The following RTN2 variants were observed in gnomAD, a reference collection of about 807,000 sequenced individuals.
RTN2 encodes the protein reticulon 2, also known as reticulon-2.
A neutral mutation model predicts 63.7 loss-of-function variants in RTN2; 36 were observed. The observed-to-expected ratio is 0.56, with a 90% CI of 0.43 to 0.75. The LOEUF (loss-of-function observed/expected upper bound fraction) is 0.75, where lower values mean the gene tolerates loss of function less well. Among genes scored for constraint, RTN2 ranks in the 30% least tolerant of loss-of-function variants. The pLI is 0.00. For missense variants in RTN2, 673 were observed against 705.1 expected, an observed-to-expected ratio of 0.95 and a Z score of 0.52; for synonymous variants, 312 against 313.0, an observed-to-expected ratio of 1.00 and a Z score of 0.03.
At position 45,485,610 on chromosome 19, in the gene RTN2, G is replaced by T; in HGVS notation, c.*98C>A. On this transcript the variant is annotated 3_prime_UTR_variant, in exon 11 of 11. Transcript: ENST00000245923. ...CTGACACCCACCGGGAAAAGGCTCGGGCCGAGGAGGGGGGTGGGTGGGAAC... is the reference window on the plus strand; with the variant it reads ...CTGACACCCACCGGGAAAAGGCTCGTGCCGAGGAGGGGGGTGGGTGGGAAC... 1.0e-6 allele frequency: 1 copy of T among 982,946 alleles called. No homozygotes were observed. The allele number at this position is 982,946 out of a possible 1,614,324, so 60.9% of individuals were successfully genotyped here.
Position 45,496,908 on chromosome 19 carries a change from C to T in RTN2, c.-83G>A. ...CCGGGGTCGCGGGCGCTCATCTCCG[C>T]CGCGCCCACGACGCCGCTGCCATTC... On this transcript the variant is annotated 5_prime_UTR_variant, in exon 1 of 11. Transcript: ENST00000245923. 4 of 813,102 alleles carry T rather than the reference C, an allele frequency of 4.9e-6. No homozygotes were observed. In the South Asian group the frequency reaches 1.1e-4, roughly 21 times the overall value. The allele number at this position is 813,102 out of a possible 1,614,324, so 50.4% of individuals were successfully genotyped here. A position where few individuals can be genotyped will look rare whatever the true frequency, so the allele number is the denominator to read the frequency against.
rs1489266114 is a variant in RTN2, at chr19:45,493,268, C to T, written c.925G>A (p.Gly309Ser). Residue 309 changes from glycine (G) to serine (S), a missense_variant, in exon 5 of 11, where the codon GGC (glycine) becomes AGC (serine). Transcript: ENST00000245923. ...LWTAIGWVQR[G>S]PTPPTPVLRV... ...AGGACAGGAGTAGGGGGGGTGGGGC[C>T]CCTTTGGACCCAGCCAATGGCTGTC... The T allele has an allele frequency of 1.6e-5, 26 of 1,612,602 alleles. No homozygotes were observed. Among genetic ancestry groups the T allele is most frequent in the Non-Finnish European group, 2.1e-5 (25 of 1,179,672 alleles).
At position 45,485,564 on chromosome 19, in the gene RTN2, G is replaced by A. The variant is rs1968000343; in HGVS notation, c.*144C>T. 1 of 659,204 alleles carries A rather than the reference G, an allele frequency of 1.5e-6. No homozygotes were observed. Among genetic ancestry groups the A allele is most frequent in the Non-Finnish European group, 2.7e-6 (1 of 369,354 alleles). 40.8% of individuals were successfully genotyped at this position (659,204 alleles called of 1,614,324 possible). A position where few individuals can be genotyped will look rare whatever the true frequency, so the allele number is the denominator to read the frequency against. On this transcript the variant is annotated 3_prime_UTR_variant, in exon 11 of 11. Coordinates refer to ENST00000245923, the MANE Select transcript of RTN2 (RefSeq NM_005619.5). Reference sequence around the variant, plus strand: ...CCTGGTCGCTCAGGTAATTAGCGCAGAGTCCCTAGTGGGAGTGATCCTGAC... The same window carrying A: ...CCTGGTCGCTCAGGTAATTAGCGCAAAGTCCCTAGTGGGAGTGATCCTGAC...
intron 9 of RTN2, among the ~76,000 whole-genome samples, chr19:45,487,032 CTTTTTTTTTT>C (rs34799041): frequency 3.1e-4 from 12 of 39,178 alleles, no homozygotes; most frequent in East Asian, 2.8e-3. Context: ...CATGCCCAGC[CTTTTTTTTTT>C]TTTTTTTTTT....
In RTN2 at chr19:45,485,775, A is replaced by G. The variant is rs1189218371; in HGVS notation, c.1571T>C (p.Ile524Thr). The G allele has an allele frequency of 6.2e-7, 1 of 1,613,300 alleles. No individual in the cohort carries two copies. Among genetic ancestry groups the G allele is most frequent in the Non-Finnish European group, 8.5e-7 (1 of 1,179,754 alleles). ...SHIKAKIRAKIPGTGALASAA... is the reference protein window; with the variant it reads ...SHIKAKIRAKTPGTGALASAA... ...AGAGGCCAGGGCTCCGGTCCCTGGG[A>G]TTTTAGCTCGGATCCTGAAGGAGAA... The change falls in exon 11 of 11, where the codon ATC becomes ACC. Residue 524 changes from isoleucine to threonine, a missense_variant. By Grantham distance (89) the Ile-to-Thr change is moderately conservative. Coordinates refer to ENST00000245923, the MANE Select transcript of RTN2 (RefSeq NM_005619.5).
chr19:45,493,997 T>G, intron 4 of RTN2, 169 bp downstream of exon 4: 1 of 1,173,272 alleles, frequency 8.5e-7, no homozygotes. Context: ...GCCGGGGAAA[T>G]TTTTTTAAAA....
rs752648786 is a variant in RTN2, at chr19:45,486,031, T to A, written c.1556+24A>T. 7 of 1,611,830 alleles carry A rather than the reference T, an allele frequency of 4.3e-6. No homozygotes were observed. In the South Asian group the frequency reaches 7.7e-5, roughly 18 times the overall value. On this transcript the variant is annotated intron_variant, in intron 10 of 10. Coordinates refer to ENST00000245923, the MANE Select transcript of RTN2 (RefSeq NM_005619.5). ...CAAGCTCCCCCACTTCCCCCTCCCA[T>A]CGACCTCCGCCCCATGCTCTTACTT...
At position 45,494,731 on chromosome 19, in the gene RTN2, G is replaced by A. The variant is rs756925105; in HGVS notation, c.354C>T (p.Ser118=). ...GATCACCCCGTCGTCCAGGCTCCGGGGATTGGCTCAGGCTGGGGATGCTCT... is the reference window on the plus strand; with the variant it reads ...GATCACCCCGTCGTCCAGGCTCCGGAGATTGGCTCAGGCTGGGGATGCTCT... ...SLESIPSLSQ[S]PEPGRRGDPD... is the part of the protein sequence containing the mutation. The change falls in exon 3 of 11, where the codon TCC becomes TCT. Residue 118 remains serine (S), a synonymous_variant. Coordinates refer to ENST00000245923, the MANE Select transcript of RTN2 (RefSeq NM_005619.5). This position sits in a 1 kb window ranked among gnomAD's most constrained non-coding sequence, Gnocchi z 5.3. The A allele has an allele frequency of 1.2e-5, 19 of 1,612,066 alleles. No homozygotes were observed. The African/African-American group carries it at 1.5e-4, about 12-fold the overall frequency.
chr19:45,491,522 G>A (rs1968160118), intron 5 of RTN2, among the ~76,000 whole-genome samples: 1 of 146,334 alleles, frequency 6.8e-6, no homozygotes, highest in Non-Finnish European at 1.5e-5. Flanking sequence ...TGCCATGCCT[G>A]GCCTGGCTAA....
chr19:45,486,458 A>AG (rs1404289278), intron 9 of RTN2, among the ~76,000 whole-genome samples: 1 of 152,152 alleles, frequency 6.6e-6, no homozygotes, highest in East Asian at 1.9e-4. Context: ...TTGGTCACCG[A>AG]GTCCCTGAGT....
At chr19:45,491,925 G>A (rs775603380) in intron 5 of RTN2, among the ~76,000 whole-genome samples, 2 of 152,042 alleles carry the variant, frequency 1.3e-5, no homozygotes, top group East Asian at 1.9e-4. Context: ...CACCGCGCTC[G>A]GTCATATATA....
Position 45,494,223 on chromosome 19 carries a change from C to T in RTN2, c.757G>A (p.Gly253Arg), listed in dbSNP as rs760277484. Residue 253 changes from glycine to arginine, a missense_variant, in exon 4 of 11, where the codon GGA becomes AGA. Coordinates refer to ENST00000245923, the MANE Select transcript of RTN2 (RefSeq NM_005619.5). This position sits in a 1 kb window ranked among gnomAD's most constrained non-coding sequence, Gnocchi z 5.3. ...TGGTCCGTGCTATCGAGGCACTGTC[C>T]CCTTACTGGCTCTCGCTCCAGTGGC... is the stretch of plus-strand genomic sequence containing the variant. ...WGPLEREPVRGQCLDSTDQLE... is the reference protein window; with the variant it reads ...WGPLEREPVRRQCLDSTDQLE... The T allele has an allele frequency of 1.2e-6, 2 of 1,611,148 alleles. No homozygotes were observed. Among genetic ancestry groups the T allele is most frequent in the Non-Finnish European group, 1.7e-6 (2 of 1,180,000 alleles).
intron 6 of RTN2, 74 bp from the exon 7 acceptor site, chr19:45,489,060 G>A: frequency 6.5e-7 from 1 of 1,528,546 alleles, no homozygotes; most frequent in Non-Finnish European, 8.9e-7. Context: ...GCTGAAACAA[G>A]GGAGAGGAAT....
rs1967999045 is a variant in RTN2, at chr19:45,485,522, C to G, written c.*186G>C. ...CTTTCCTGGACTCCTGGAGCAGAGCCTCTTGGGAAATGTAGTCCTGGTCGC... is the reference window on the plus strand; with the variant it reads ...CTTTCCTGGACTCCTGGAGCAGAGCGTCTTGGGAAATGTAGTCCTGGTCGC... On this transcript the variant is annotated 3_prime_UTR_variant, in exon 11 of 11. Transcript: ENST00000245923. 1.7e-6 allele frequency: 1 copy of G among 595,668 alleles called. No homozygotes were observed. Among genetic ancestry groups the G allele is most frequent in the Non-Finnish European group, 3.0e-6 (1 of 333,516 alleles). The allele number at this position is 595,668 out of a possible 1,614,324, so 36.9% of individuals were successfully genotyped here.
Position 45,489,495 on chromosome 19 carries a change from C to T in RTN2, c.1092G>A (p.Leu364=). 1.9e-6 allele frequency: 3 copies of T among 1,612,556 alleles called. No individual in the cohort carries two copies. The highest frequency in any genetic ancestry group is 2.5e-6 in the Non-Finnish European group (3 of 1,179,364). ...GCAGGAGGCAGAGGAGGGAGACCAT[C>T]AGGCCTGTGAAGACCACTCCTGACG... is the stretch of plus-strand genomic sequence containing the variant. ...TRTSGVVFTG[L]MVSLLCLLHF... Residue 364 remains leucine, a synonymous_variant, in exon 6 of 11, where the codon CTG becomes CTA. Coordinates refer to ENST00000245923, the MANE Select transcript of RTN2 (RefSeq NM_005619.5).
rs774216244 is a variant in RTN2, at chr19:45,494,186, G to A, written c.794C>T (p.Thr265Met). Residue 265 changes from threonine to methionine, a missense_variant, in exon 4 of 11, where the codon ACG becomes ATG. By Grantham distance (81) the Thr-to-Met change is moderately conservative. Coordinates refer to ENST00000245923, the MANE Select transcript of RTN2 (RefSeq NM_005619.5). This position sits in a 1 kb window ranked among gnomAD's most constrained non-coding sequence, Gnocchi z 5.3. ...CLDSTDQLEF[T>M]VEPRLLGTAM... is the part of the protein sequence containing the mutation. Reference sequence around the variant, plus strand: ...CTTACCTAGAAGGCGTGGCTCCACCGTGAATTCTAATTGGTCCGTGCTATC... The same window carrying A: ...CTTACCTAGAAGGCGTGGCTCCACCATGAATTCTAATTGGTCCGTGCTATC... 12 of 1,604,070 alleles carry A rather than the reference G, an allele frequency of 7.5e-6. No individual in the cohort carries two copies. The highest frequency in any genetic ancestry group is 9.3e-6 in the Non-Finnish European group (11 of 1,179,928).
chr19:45,492,791 C>G lies in RTN2; in HGVS notation c.1033+369G>C, dbSNP rs1034862815. Among the ~76,000 whole-genome samples, 3 of 152,174 alleles carry G rather than the reference C, an allele frequency of 2.0e-5. No individual in the cohort carries two copies. The East Asian group carries it at 5.8e-4, about 29-fold the overall frequency. On this transcript the variant is annotated intron_variant, in intron 5 of 10. Coordinates refer to ENST00000245923, the MANE Select transcript of RTN2 (RefSeq NM_005619.5). ...CCCTCCCAGGCAGGCTCCTAGTGGCCGGCGCCGGTGGATGGGGGAGGGGCC... is the reference window on the plus strand; with the variant it reads ...CCCTCCCAGGCAGGCTCCTAGTGGCGGGCGCCGGTGGATGGGGGAGGGGCC...
rs1968228666 is a variant in RTN2, at chr19:45,494,488, C to T, written c.559+38G>A. 6.2e-7 allele frequency: 1 copy of T among 1,604,918 alleles called. No individual in the cohort carries two copies. Among genetic ancestry groups the T allele is most frequent in the Non-Finnish European group, 8.5e-7 (1 of 1,174,050 alleles). ...GGTGCCCCAAGGAGAAACCACCCAC[C>T]CCTCTTGGCTTTGGTCCCAGCACCT... On this transcript the variant is annotated intron_variant, in intron 3 of 10. Coordinates refer to ENST00000245923, the MANE Select transcript of RTN2 (RefSeq NM_005619.5). The surrounding 1 kb of genome is among the most constrained non-coding windows in gnomAD (Gnocchi z 5.3).
chr19:45,496,713 CA>C, intron 1 of RTN2, 78 bp downstream of exon 1: 1 of 1,009,996 alleles, frequency 9.9e-7, no homozygotes, highest in Non-Finnish European at 1.4e-6. Context: ...CTCCTGCGGG[CA>C]AGCGCCGAGG....
Sources: gnomAD v4.1 joint callset for allele counts (sites outside exome capture counted in the v4.1 genomes callset) on GRCh38, gnomAD v4.1.1 for gene constraint, Gnocchi (gnomAD v3.1) non-coding constraint, MANE v1.5 for transcripts, NCBI Gene and HGNC (gene_info 2026-07-23, HGNC 2026-07-21) for gene names.